The following TG variants were observed in gnomAD, a reference collection of about 807,000 sequenced individuals.
TG encodes thyroid hormones.
TG carries 270 observed loss-of-function variants against 324.7 expected under a neutral mutation model. That is an observed-to-expected ratio of 0.83 (90% CI 0.75 to 0.92). The LOEUF (loss-of-function observed/expected upper bound fraction) is 0.92. TG is among the 40% of genes least tolerant of loss of function. The pLI, the probability that TG is intolerant of heterozygous loss-of-function variation, is 0.00. For synonymous variants in TG, 1,401 were observed against 1,327.0 expected, an observed-to-expected ratio of 1.06 and a Z score of -1.21; for missense variants, 3,591 against 3,456.4, an observed-to-expected ratio of 1.04 and a Z score of -0.98.
Position 133,013,546 on chromosome 8 carries a change from A to T in TG, c.6398-54A>T, listed in dbSNP as rs1181105722. 7 of 1,608,054 alleles carry T rather than the reference A, an allele frequency of 4.4e-6. No individual in the cohort carries two copies. In the African/African-American group the frequency reaches 9.4e-5, roughly 21 times the overall value. On this transcript the variant is annotated intron_variant, in intron 36 of 47. Coordinates refer to ENST00000220616, the MANE Select transcript of TG (RefSeq NM_003235.5). ...GGATGGATGACTGGAAGAATGCATG[A>T]GTGAAGTAACATCTCTGAGGCCCAA...
intron 29 of TG, chr8:132,964,899 G>A (rs927891661): frequency 2.6e-5 from 18 of 702,144 alleles, no homozygotes; most frequent in Admixed American, 8.0e-5. Flanking sequence ...AAGGTTTCTC[G>A]GAGGAGGCCA....
At chr8:132,958,178 C>T (rs1057504620) in intron 27 of TG, among the ~76,000 whole-genome samples, 3 of 152,188 alleles carry the variant, frequency 2.0e-5, no homozygotes, top group Non-Finnish European at 4.4e-5. Flanking sequence ...CAATACAATA[C>T]TCTAGAGATA....
At chr8:133,016,654 C>T (rs758565809) in intron 37 of TG, among the ~76,000 whole-genome samples, 4 of 152,198 alleles carry the variant, frequency 2.6e-5, no homozygotes, top group Admixed American at 6.5e-5. Flanking sequence ...ACCAAATCTA[C>T]GTGTCAGAAA....
chr8:133,131,863 A>T lies in TG; in HGVS notation c.7914A>T (p.Pro2638=). Residue 2638 remains proline (P), a synonymous_variant, in exon 46 of 48, where the codon CCA becomes CCT. Coordinates refer to ENST00000220616, the MANE Select transcript of TG (RefSeq NM_003235.5). Reference sequence around the variant, plus strand: ...TTGCCTTGGGGCTTCCCTTCTACCCAGCCTACGAGGGGCAGTTTTCTCTGG... The same window carrying T: ...TTGCCTTGGGGCTTCCCTTCTACCCTGCCTACGAGGGGCAGTTTTCTCTGG... ...VQFALGLPFY[P]AYEGQFSLEE... The T allele has an allele frequency of 1.2e-6, 2 of 1,614,154 alleles. No individual in the cohort carries two copies. The highest frequency in any genetic ancestry group is 1.7e-6 in the Non-Finnish European group (2 of 1,180,020).
At chr8:132,906,996 C>A in intron 17 of TG, 96 bp downstream of exon 17, 1 of 1,277,038 alleles carries the variant, frequency 7.8e-7, no homozygotes, top group Non-Finnish European at 1.1e-6. Context: ...ATTTCCCCAC[C>A]CAAATGTAGC....
rs578118792 is a variant in TG, at chr8:133,031,333, G to A, written c.7239+1310G>A. ...TTATGGCTGCATAATATTCCTTTGC[G>A]CAGAGGGACCACATTTTGTTTATCC... On this transcript the variant is annotated intron_variant, in intron 41 of 47. Coordinates refer to ENST00000220616, the MANE Select transcript of TG (RefSeq NM_003235.5). Among the ~76,000 whole-genome samples, 9 of 152,218 alleles carry A rather than the reference G, an allele frequency of 5.9e-5. 1 individual carries two copies. In the South Asian group the frequency reaches 6.2e-4, roughly 11 times the overall value.
chr8:133,108,904 T>C (rs1336877224), intron 43 of TG, among the ~76,000 whole-genome samples: 1 of 152,228 alleles, frequency 6.6e-6, no homozygotes, highest in Non-Finnish European at 1.5e-5. Context: ...GACAGGTTAA[T>C]AATCATCACT....
In TG at chr8:133,134,841, G is replaced by A. The variant is rs1320936953; in HGVS notation, c.*47G>A. ...AACCTCACCCGAGGCTGCCCACTAT[G>A]GTCATCTTTTTCTCTAAAATAGCCA... On this transcript the variant is annotated 3_prime_UTR_variant, in exon 48 of 48. Coordinates refer to ENST00000220616, the MANE Select transcript of TG (RefSeq NM_003235.5). The A allele has an allele frequency of 6.7e-7, 1 of 1,493,386 alleles. No individual in the cohort carries two copies. Among genetic ancestry groups the A allele is most frequent in the Non-Finnish European group, 9.3e-7 (1 of 1,070,490 alleles). 92.5% of individuals were successfully genotyped at this position (1,493,386 alleles called of 1,614,324 possible). A position where few individuals can be genotyped will look rare whatever the true frequency, so the allele number is the denominator to read the frequency against.
chr8:132,957,785 G>GACACACACACACACACACA (rs1827145701), intron 27 of TG, among the ~76,000 whole-genome samples: 3 of 41,400 alleles, frequency 7.2e-5, no homozygotes, highest in African/African-American at 1.9e-4. Flanking sequence ...ACACACACAC[G>GACACACACACACACACACA]TATGTATATA....
At chr8:132,876,632 T>C (rs190187519) in intron 5 of TG, among the ~76,000 whole-genome samples, 5 of 152,336 alleles carry the variant, frequency 3.3e-5, no homozygotes, top group East Asian at 1.9e-4. Context: ...AGAAGGCTAC[T>C]GCTTACAATA....
At chr8:133,118,468 G>T (rs1237000001) in intron 45 of TG, among the ~76,000 whole-genome samples, 1 of 151,980 alleles carries the variant, frequency 6.6e-6, no homozygotes, top group Non-Finnish European at 1.5e-5. Context: ...GGAATTACAG[G>T]CATGCGCCAT....
At position 132,941,561 on chromosome 8, in the gene TG, G is replaced by A. The variant is rs748595227; in HGVS notation, c.5233+19G>A. ...CAAGGAGGTAATGTTGGCAGTGAGG[G>A]CCAGGGCCTAACAAGGGATGGGGAG... On this transcript the variant is annotated intron_variant, in intron 26 of 47. Coordinates refer to ENST00000220616, the MANE Select transcript of TG (RefSeq NM_003235.5). The A allele has an allele frequency of 1.2e-5, 19 of 1,614,090 alleles. 1 individual carries two copies. In the Middle Eastern group the frequency reaches 5.0e-4, roughly 42 times the overall value.
intron 16 of TG, 28 bp from the exon 17 acceptor site, chr8:132,906,660 C>A: frequency 1.2e-6 from 2 of 1,612,790 alleles, no homozygotes; most frequent in Non-Finnish European, 8.5e-7. Context: ...GGCAGGTGCC[C>A]ACCACGGCTC....
At chr8:133,122,773 A>C (rs1401221060) in intron 45 of TG, among the ~76,000 whole-genome samples, 13 of 152,158 alleles carry the variant, frequency 8.5e-5, no homozygotes, top group Non-Finnish European at 1.5e-4. Context: ...TGTATGTACA[A>C]TACCTGGCAG....
rs371879800 is a variant in TG at position 132,994,351 on chromosome 8, G to T, written c.6262+10939G>T. The stretch of plus-strand genomic sequence containing the variant: ...GGGGTGTTCACAGTTTAACAAGTGG[G>T]TAAACCGGTTCTATTCTGAGAGCAG... On this transcript the variant is annotated intron_variant, in intron 35 of 47. Coordinates refer to ENST00000220616, the MANE Select transcript of TG (RefSeq NM_003235.5). Among the ~76,000 whole-genome samples, 3 of 152,238 alleles carry T rather than the reference G, an allele frequency of 2.0e-5. No homozygotes were observed. The East Asian group carries it at 5.8e-4, about 29-fold the overall frequency.
At chr8:132,961,251 T>A (rs1415176392) in intron 28 of TG, among the ~76,000 whole-genome samples, 178 bp downstream of exon 28, 1 of 151,944 alleles carries the variant, frequency 6.6e-6, no homozygotes. Context: ...GATGCCAAAG[T>A]CTAAAACAAA....
intron 41 of TG, among the ~76,000 whole-genome samples, chr8:133,089,613 T>G (rs978138886): frequency 1.3e-5 from 2 of 152,196 alleles, no homozygotes; most frequent in Admixed American, 1.3e-4. Flanking sequence ...TCTATGGAAA[T>G]TCTTCTCTTC....
At chr8:133,129,355 C>T (rs551967930) in intron 45 of TG, among the ~76,000 whole-genome samples, 31 of 152,296 alleles carry the variant, frequency 2.0e-4, no homozygotes, top group Admixed American at 1.8e-3. Context: ...TACAAGTTCA[C>T]GAGAGCTGGT....
chr8:132,991,143 C>T (rs1832280282), intron 35 of TG, among the ~76,000 whole-genome samples: 1 of 151,834 alleles, frequency 6.6e-6, no homozygotes, highest in African/African-American at 2.4e-5. Flanking sequence ...GCATGACCTT[C>T]AGCCGAGGCA....
Sources: allele counts gnomAD v4.1 joint callset (sites outside exome capture counted in the v4.1 genomes callset), GRCh38; gene constraint gnomAD v4.1.1; transcripts MANE v1.5; gene names NCBI Gene and HGNC (gene_info 2026-07-23, HGNC 2026-07-21).